DMD: variants seen among roughly 807,000 people sequenced by gnomAD.
DMD encodes mutant dystrophin.
In DMD, 63 loss-of-function variants were observed where a neutral mutation model predicts 330.1. That is an observed-to-expected ratio of 0.19 (90% confidence interval 0.16 to 0.24). The LOEUF is 0.24. DMD is among the 10% of genes least tolerant of loss of function. The pLI is 1.00. For synonymous variants in DMD, 1,223 were observed against 959.8 expected (o/e 1.27, Z -5.07); for missense variants, 3,344 against 2,684.1 (o/e 1.25, Z -5.43).
At chrX:32,380,095 C>G (rs777630649) in intron 34 of DMD, among the ~76,000 whole-genome samples, 17 of 111,193 alleles carry the variant, frequency 1.5e-4, no homozygotes, top group African/African-American at 5.5e-4. Context: ...TTCTGAAATG[C>G]GACTTTGGCA....
intron 7 of DMD, among the ~76,000 whole-genome samples, chrX:32,794,159 T>TA (rs2076019715): frequency 8.9e-6 from 1 of 111,936 alleles, no homozygotes; most frequent in Admixed American, 9.5e-5. Flanking sequence ...GAACATTTCA[T>TA]AAAATTTAAC....
chrX:32,729,052 G>T (rs1465694395), intron 7 of DMD, among the ~76,000 whole-genome samples: 1 of 111,936 alleles, frequency 8.9e-6, no homozygotes, highest in Admixed American at 9.5e-5. Flanking sequence ...ACAGCAAACG[G>T]GCAACACGTG....
At chrX:31,785,479 AG>A (rs1383213011) in intron 50 of DMD, among the ~76,000 whole-genome samples, 2 of 112,146 alleles carry the variant, frequency 1.8e-5, no homozygotes, top group East Asian at 5.6e-4. Flanking sequence ...TTATACTTTA[AG>A]TTCTGGGATA....
chrX:31,686,444 T>C (rs916886529), intron 52 of DMD, among the ~76,000 whole-genome samples: 8 of 112,567 alleles, frequency 7.1e-5, no homozygotes, highest in Admixed American at 9.4e-5. Context: ...TATTTTCCTC[T>C]TATGCTTATG....
At chrX:32,909,365 G>A (rs1185220380) in intron 2 of DMD, among the ~76,000 whole-genome samples, 3 of 111,458 alleles carry the variant, frequency 2.7e-5, no homozygotes, top group Non-Finnish European at 3.8e-5. Context: ...ATCACAAAAT[G>A]AATCATATGT....
At chrX:32,273,686 C>T (rs1308186910) in intron 43 of DMD, among the ~76,000 whole-genome samples, 2 of 111,337 alleles carry the variant, frequency 1.8e-5, no homozygotes, top group Non-Finnish European at 3.8e-5. Flanking sequence ...CACCCTTTGA[C>T]CCTTCTTCTG....
chrX:32,383,961 G>C (rs1039173253), intron 33 of DMD, among the ~76,000 whole-genome samples: 7 of 109,549 alleles, frequency 6.4e-5, no homozygotes, highest in Admixed American at 5.9e-4. Flanking sequence ...ATTTTAAAAA[G>C]TAAACTGAGA....
At chrX:31,239,825 T>A (rs1385685313) in intron 63 of DMD, among the ~76,000 whole-genome samples, 1 of 111,634 alleles carries the variant, frequency 9.0e-6, no homozygotes, top group Admixed American at 9.5e-5. Flanking sequence ...GCAGACTGTG[T>A]TATAGAAGGA....
intron 52 of DMD, among the ~76,000 whole-genome samples, chrX:31,698,046 C>T: frequency 8.9e-6 from 1 of 112,338 alleles, no homozygotes; most frequent in Non-Finnish European, 1.9e-5. Flanking sequence ...GCTACTGCTT[C>T]TCTGTATAGA....
chrX:32,175,762 G>A (rs1353644189), intron 44 of DMD, among the ~76,000 whole-genome samples: 1 of 111,207 alleles, frequency 9.0e-6, no homozygotes, highest in Non-Finnish European at 1.9e-5. Context: ...CTTACCTTTT[G>A]TACATGAAAC....
intron 17 of DMD, among the ~76,000 whole-genome samples, chrX:32,524,135 C>T (rs1293812193): frequency 9.1e-6 from 1 of 109,802 alleles, no homozygotes; most frequent in Non-Finnish European, 1.9e-5. Flanking sequence ...GTGGTTTCAC[C>T]GTGTTAGCCA....
intron 1 of DMD, among the ~76,000 whole-genome samples, chrX:33,097,047 T>A (rs2095176117): frequency 9.0e-6 from 1 of 111,665 alleles, no homozygotes; most frequent in Non-Finnish European, 1.9e-5. Context: ...TCAGTATAGT[T>A]CTATGTGCTA....
rs759140628 is a variant in DMD at position 32,912,261 on chromosome X, G to A, written c.94-62441C>T. On this transcript the variant is annotated intron_variant, in intron 2 of 78. Coordinates refer to ENST00000357033, the MANE Select transcript of DMD (RefSeq NM_004006.3). ...ACTGCCTGAAACACAAAGAGAGGAA[G>A]AGAAGCACTCTTGTGTCTTCCCTGA... Among the ~76,000 whole-genome samples the A allele has an allele frequency of 5.4e-5, 6 of 110,910 alleles. No individual in the cohort carries two copies. In the South Asian group the frequency reaches 2.3e-3, roughly 43 times the overall value.
chrX:32,997,248 A>ATTTT (rs375762177), intron 2 of DMD, among the ~76,000 whole-genome samples: 14 of 98,664 alleles, frequency 1.4e-4, no homozygotes, highest in East Asian at 1.3e-3. Flanking sequence ...GCCTCCCGCC[A>ATTTT]TTTTTTTTTT....
Position 31,514,749 on chromosome X carries a change from C to T in DMD, c.8218-7296G>A, listed in dbSNP as rs778901523. 9.8e-5 allele frequency among the ~76,000 whole-genome samples: 11 copies of T among 111,923 alleles called. 1 individual carries two copies. Among genetic ancestry groups the T allele is most frequent in the Middle Eastern group, 9.2e-3 (2 of 218 alleles). ...GAAATCAGATGTTAGAAATAGATTTCATGAAGTTACAGGACTTGGCTTGAG... is the reference window on the plus strand; with the variant it reads ...GAAATCAGATGTTAGAAATAGATTTTATGAAGTTACAGGACTTGGCTTGAG... On this transcript the variant is annotated intron_variant, in intron 55 of 78. Transcript: ENST00000357033.
At chrX:32,052,326 G>A (rs186033357) in intron 44 of DMD, among the ~76,000 whole-genome samples, 1 of 110,382 alleles carries the variant, frequency 9.1e-6, no homozygotes, top group African/African-American at 3.3e-5. Flanking sequence ...GACCCCAAAT[G>A]AATCTTAACA....
chrX:32,649,200 G>C (rs1272303854), intron 9 of DMD, among the ~76,000 whole-genome samples: 5 of 109,284 alleles, frequency 4.6e-5, no homozygotes, highest in African/African-American at 1.0e-4. Flanking sequence ...ATTACTGCCT[G>C]TTAGATTTAG....
At chrX:31,458,690 G>A (rs1056430521) in intron 59 of DMD, among the ~76,000 whole-genome samples, 7 of 109,724 alleles carry the variant, frequency 6.4e-5, no homozygotes, top group African/African-American at 2.0e-4. Context: ...ATTATCTAAA[G>A]GAGAATACAA....
At chrX:32,094,737 C>A (rs1388019989) in intron 44 of DMD, among the ~76,000 whole-genome samples, 2 of 110,520 alleles carry the variant, frequency 1.8e-5, no homozygotes, top group Admixed American at 9.6e-5. Context: ...AAGGGTACAT[C>A]AAAATAGGAA....
Sources: allele counts gnomAD v4.1 joint callset (sites outside exome capture counted in the v4.1 genomes callset), GRCh38; gene constraint gnomAD v4.1.1; transcripts MANE v1.5; gene names NCBI Gene and HGNC (gene_info 2026-07-23, HGNC 2026-07-21).